Variants in CAMKMT observed in about 807,000 individuals in gnomAD.
CAMKMT encodes the protein CaM KMT.
A neutral mutation model predicts 48.0 loss-of-function variants in CAMKMT; 53 were observed. That is an observed-to-expected ratio of 1.10 (90% CI 0.89 to 1.39). The LOEUF (loss-of-function observed/expected upper bound fraction) is 1.39, where lower values mean the gene tolerates loss of function less well. Among genes scored for constraint, CAMKMT ranks in the 40% most tolerant of loss-of-function variants. CAMKMT has a pLI of 0.00. For missense variants in CAMKMT, 428 were observed against 402.7 expected, an observed-to-expected ratio of 1.06 and a Z score of -0.54; for synonymous variants, 165 against 152.3, an observed-to-expected ratio of 1.08 and a Z score of -0.61.
chr2:44,554,445 A>G (rs1667899241), intron 3 of CAMKMT, among the ~76,000 whole-genome samples: 1 of 152,174 alleles, frequency 6.6e-6, no homozygotes, highest in South Asian at 2.1e-4. Context: ...TTGATACACA[A>G]TAAATATTCG....
At chr2:44,734,721 A>G (rs1454345396) in intron 7 of CAMKMT, among the ~76,000 whole-genome samples, 1 of 152,112 alleles carries the variant, frequency 6.6e-6, no homozygotes, top group African/African-American at 2.4e-5. Context: ...CAGGGAACAT[A>G]TTTTTTGTAT....
intron 3 of CAMKMT, among the ~76,000 whole-genome samples, chr2:44,704,028 G>A (rs1458931945): frequency 6.6e-6 from 1 of 152,088 alleles, no homozygotes; most frequent in East Asian, 1.9e-4. Context: ...GGTTGTTACT[G>A]TTTTGGCTAT....
intron 3 of CAMKMT, among the ~76,000 whole-genome samples, chr2:44,691,900 A>T (rs950728561): frequency 6.6e-6 from 1 of 152,178 alleles, no homozygotes; most frequent in South Asian, 2.1e-4. Flanking sequence ...ATTCTGGAAT[A>T]TTCAGACATT....
intron 3 of CAMKMT, among the ~76,000 whole-genome samples, chr2:44,485,794 T>C (rs1669189290): frequency 6.6e-6 from 1 of 152,222 alleles, no homozygotes; most frequent in South Asian, 2.1e-4. Flanking sequence ...GACTATACTA[T>C]ATGATTCCAT....
At chr2:44,403,426 A>G (rs1030640383) in intron 3 of CAMKMT, among the ~76,000 whole-genome samples, 18 of 152,174 alleles carry the variant, frequency 1.2e-4, no homozygotes, top group African/African-American at 4.8e-5. Context: ...AATCTTTGGA[A>G]TAAGAGATGA....
chr2:44,403,025 A>C (rs149130582), intron 3 of CAMKMT, among the ~76,000 whole-genome samples: 5 of 149,176 alleles, frequency 3.4e-5, no homozygotes, highest in Admixed American at 6.7e-5. Context: ...CTTTCATTAC[A>C]TTTCTGATGA....
intron 3 of CAMKMT, among the ~76,000 whole-genome samples, chr2:44,700,306 T>C (rs1677190817): frequency 6.6e-6 from 1 of 152,206 alleles, no homozygotes; most frequent in Admixed American, 6.5e-5. Context: ...TTTGTCTTCT[T>C]ATCATTCGTG....
rs1442739318 is a variant in CAMKMT, at chr2:44,538,378, A to AT, written c.376+148073_376+148074insT. On this transcript the variant is annotated intron_variant, in intron 3 of 10. Coordinates refer to ENST00000378494, the MANE Select transcript of CAMKMT (RefSeq NM_024766.5). ...GCGAGACGCCATCTCAAAAACAAAAAAAAAAAAGAAAAGAAAAGAAAAAAG... is the reference window on the plus strand; with the variant it reads ...GCGAGACGCCATCTCAAAAACAAAAATAAAAAAAGAAAAGAAAAGAAAAAAG... Among the ~76,000 whole-genome samples, 3 of 151,736 alleles carry AT rather than the reference A, an allele frequency of 2.0e-5. No homozygotes were observed. In the East Asian group the frequency reaches 5.8e-4, roughly 29 times the overall value.
At chr2:44,510,152 A>G (rs1268097062) in intron 3 of CAMKMT, among the ~76,000 whole-genome samples, 1 of 152,212 alleles carries the variant, frequency 6.6e-6, no homozygotes, top group Non-Finnish European at 1.5e-5. Context: ...TAGTTTTTCT[A>G]TTAATATCCT....
chr2:44,606,808 A>ACC (rs11421579), intron 3 of CAMKMT, among the ~76,000 whole-genome samples: 3,684 of 138,190 alleles, frequency 0.027, 120 homozygotes, highest in African/African-American at 0.087. Context: ...TCTTAATGTG[A>ACC]CCCCCCCCCC....
At chr2:44,523,594 C>A (rs939488113) in intron 3 of CAMKMT, among the ~76,000 whole-genome samples, 1 of 151,502 alleles carries the variant, frequency 6.6e-6, no homozygotes, top group African/African-American at 2.4e-5. Context: ...CACACCTGTC[C>A]AAGGGGACCC....
chr2:44,658,279 A>C (rs1392403912), intron 3 of CAMKMT, among the ~76,000 whole-genome samples: 1 of 152,220 alleles, frequency 6.6e-6, no homozygotes, highest in East Asian at 1.9e-4. Flanking sequence ...TTCCTGTTTC[A>C]ATGTCCATTT....
At chr2:44,667,915 C>T (rs1675093964) in intron 3 of CAMKMT, among the ~76,000 whole-genome samples, 1 of 152,164 alleles carries the variant, frequency 6.6e-6, no homozygotes, top group Non-Finnish European at 1.5e-5. Flanking sequence ...GGTTCCATGC[C>T]CATGACTAGG....
intron 2 of CAMKMT, among the ~76,000 whole-genome samples, chr2:44,374,945 C>G (rs761606797): frequency 1.3e-5 from 2 of 152,000 alleles, no homozygotes; most frequent in South Asian, 4.1e-4. Context: ...GCCTTGGCAA[C>G]ATAGGGAAAC....
chr2:44,758,783 G>A (rs1230979177), intron 9 of CAMKMT, among the ~76,000 whole-genome samples: 2 of 152,260 alleles, frequency 1.3e-5, no homozygotes, highest in South Asian at 2.1e-4. Flanking sequence ...GGACCCAAAC[G>A]TAATTTAAAA....
At chr2:44,470,044 A>G (rs1222194523) in intron 3 of CAMKMT, among the ~76,000 whole-genome samples, 3 of 152,032 alleles carry the variant, frequency 2.0e-5, no homozygotes, top group Non-Finnish European at 4.4e-5. Flanking sequence ...CTATCCATAG[A>G]TATAATTTTT....
At position 44,452,199 on chromosome 2, in the gene CAMKMT, G is replaced by C. The variant is rs192683627; in HGVS notation, c.376+61894G>C. On this transcript the variant is annotated intron_variant, in intron 3 of 10. Transcript: ENST00000378494. ...GTTAAAGGAGCCATGATGAAATGAA[G>C]TGTTTAGAGAGTTTTAGGAATAAAA... 6.4e-4 allele frequency among the ~76,000 whole-genome samples: 97 copies of C among 152,044 alleles called. 1 individual carries two copies. Among genetic ancestry groups the C allele is most frequent in the African/African-American group, 2.3e-3 (97 of 41,544 alleles).
At chr2:44,574,986 C>G (rs1165172036) in intron 3 of CAMKMT, among the ~76,000 whole-genome samples, 4 of 152,016 alleles carry the variant, frequency 2.6e-5, no homozygotes, top group Admixed American at 6.5e-5. Flanking sequence ...GAACTCCTGA[C>G]CTCAAATGAT....
intron 3 of CAMKMT, among the ~76,000 whole-genome samples, chr2:44,671,896 A>C (rs1370883395): frequency 6.6e-6 from 1 of 152,210 alleles, no homozygotes; most frequent in Non-Finnish European, 1.5e-5. Flanking sequence ...AGCAGACCCT[A>C]GGACACACTT....
Sources: allele counts gnomAD v4.1 joint callset (sites outside exome capture counted in the v4.1 genomes callset), GRCh38; gene constraint gnomAD v4.1.1; transcripts MANE v1.5; gene names NCBI Gene and HGNC (gene_info 2026-07-23, HGNC 2026-07-21).